The following UBE2Z variants were observed in gnomAD, a reference collection of about 807,000 sequenced individuals.
UBE2Z encodes ubiquitin-conjugating enzyme E2 Z.
UBE2Z carries 10 observed loss-of-function variants against 32.6 expected under a neutral mutation model. That is an observed-to-expected ratio of 0.31 (90% CI 0.19 to 0.52). The LOEUF (loss-of-function observed/expected upper bound fraction) is 0.52. Among genes scored for constraint, UBE2Z ranks in the 20% least tolerant of loss-of-function variants. The pLI, the probability that UBE2Z is intolerant of heterozygous loss-of-function variation, is 0.97. For missense variants in UBE2Z, 343 were observed against 480.9 expected (o/e 0.71, Z 2.68); for synonymous variants, 183 against 190.8 (o/e 0.96, Z 0.34).
rs149314793 is a variant in UBE2Z, at chr17:48,925,069, G to C, written c.895-1895G>C. Among the ~76,000 whole-genome samples the C allele has an allele frequency of 6.2e-3, 946 of 151,810 alleles. 39 individuals carry two copies. Among genetic ancestry groups the C allele is most frequent in the Admixed American group, 0.049 (742 of 15,228 alleles). On this transcript the variant is annotated intron_variant, in intron 6 of 6. Transcript: ENST00000360943. ...AGGCCGAGGCAGACAGATCACTTGA[G>C]ATCAGGAGTTTGAGACCAGCCTGGC...
At chr17:48,911,183 A>C in intron 2 of UBE2Z, 1 of 352,324 alleles carries the variant, frequency 2.8e-6, no homozygotes, top group Non-Finnish European at 5.4e-6. Context: ...CTGTTTGGAT[A>C]ATAAATTATA....
intron 1 of UBE2Z, 65 bp downstream of exon 1, chr17:48,908,885 C>T (rs2040650510): frequency 1.8e-6 from 2 of 1,104,570 alleles, no homozygotes; most frequent in Non-Finnish European, 1.1e-6. Flanking sequence ...GCCCCCCACC[C>T]TCTCCCACTA....
chr17:48,921,845 A>G (rs1474469043), intron 5 of UBE2Z, among the ~76,000 whole-genome samples: 1 of 152,098 alleles, frequency 6.6e-6, no homozygotes, highest in African/African-American at 2.4e-5. Flanking sequence ...CCTGGGCAAC[A>G]CAGGGAGACC....
In UBE2Z at chr17:48,928,807, G is replaced by C. The variant is rs576160999; in HGVS notation, c.*1673G>C. The stretch of plus-strand genomic sequence containing the variant: ...CTCCAGGGCTTAGAAGAATGCTCTT[G>C]GTCTGTGGGTCCAGTGTTGTCTGTC... On this transcript the variant is annotated 3_prime_UTR_variant, in exon 7 of 7. Transcript: ENST00000360943. The C allele has an allele frequency of 5.9e-5, 9 of 152,758 alleles. No individual in the cohort carries two copies. The highest frequency in any genetic ancestry group is 1.3e-4 in the Admixed American group (2 of 15,300). 9.5% of individuals were successfully genotyped at this position (152,758 alleles called of 1,614,324 possible). A position where few individuals can be genotyped will look rare whatever the true frequency, so the allele number is the denominator to read the frequency against.
At position 48,927,272 on chromosome 17, in the gene UBE2Z, C is replaced by T; in HGVS notation, c.*138C>T. On this transcript the variant is annotated 3_prime_UTR_variant, in exon 7 of 7. Transcript: ENST00000360943. The stretch of plus-strand genomic sequence containing the variant: ...CAAGATGGCAAGAACCAAGCAAGCT[C>T]CGATCCCAGGGTGTGGGAGTGGGGG... The T allele has an allele frequency of 2.1e-6, 2 of 948,190 alleles. 1 individual carries two copies. Among genetic ancestry groups the T allele is most frequent in the South Asian group, 3.3e-5 (2 of 60,604 alleles). The allele number at this position is 948,190 out of a possible 1,614,324, so 58.7% of individuals were successfully genotyped here. A position where few individuals can be genotyped will look rare whatever the true frequency, so the allele number is the denominator to read the frequency against.
intron 5 of UBE2Z, 77 bp from the exon 6 acceptor site, chr17:48,922,766 GAAAA>G (rs375466237): frequency 2.3e-6 from 2 of 877,402 alleles, no homozygotes; most frequent in Non-Finnish European, 3.3e-6. Context: ...GACTCCATCT[GAAAA>G]AAAAAAAAGG....
chr17:48,914,703 T>C (rs1387278043), intron 3 of UBE2Z, among the ~76,000 whole-genome samples: 1 of 152,124 alleles, frequency 6.6e-6, no homozygotes, highest in Non-Finnish European at 1.5e-5. Context: ...TGCCCTGAAA[T>C]TGAAAATTTG....
chr17:48,915,812 A>G (rs2040714602), intron 3 of UBE2Z: 2 of 382,474 alleles, frequency 5.2e-6, no homozygotes, highest in South Asian at 4.1e-5. Flanking sequence ...AACTGTTTCT[A>G]GTACAAAGAA....
At chr17:48,921,043 G>A (rs1221660371) in intron 4 of UBE2Z, 117 bp from the exon 5 acceptor site, 4 of 759,306 alleles carry the variant, frequency 5.3e-6, no homozygotes, top group Middle Eastern at 2.4e-4. Flanking sequence ...CAGTGGGAAA[G>A]GTATCTTTTT....
chr17:48,908,693 C>T lies in UBE2Z; in HGVS notation c.190C>T (p.Pro64Ser). The T allele has an allele frequency of 7.8e-7, 1 of 1,281,330 alleles. No homozygotes were observed. Among genetic ancestry groups the T allele is most frequent in the Non-Finnish European group, 9.8e-7 (1 of 1,015,342 alleles). 79.4% of individuals were successfully genotyped at this position (1,281,330 alleles called of 1,614,324 possible). A position where few individuals can be genotyped will look rare whatever the true frequency, so the allele number is the denominator to read the frequency against. ...CGGGGGCCCGGGGAGCGGCCTGGCTCCGCTGCCCGGGCTCCCGCCCTCAGC... is the reference window on the plus strand; with the variant it reads ...CGGGGGCCCGGGGAGCGGCCTGGCTTCGCTGCCCGGGCTCCCGCCCTCAGC... The part of the protein sequence containing the change: ...GAGGPGSGLA[P>S]LPGLPPSAAA... Residue 64 changes from proline (P) to serine (S), a missense_variant, in exon 1 of 7, where the codon CCG (proline) becomes TCG (serine). By Grantham distance (74) the Pro-to-Ser change is moderately conservative. Transcript: ENST00000360943.
intron 4 of UBE2Z, 86 bp from the exon 5 acceptor site, chr17:48,921,074 A>T (rs2040754851): frequency 9.5e-7 from 1 of 1,056,638 alleles, no homozygotes; most frequent in East Asian, 2.6e-5. Flanking sequence ...ACTGGCTGAC[A>T]TACCCCATAC....
At chr17:48,909,063 C>T (rs2143754030) in intron 1 of UBE2Z, 1 of 233,886 alleles carries the variant, frequency 4.3e-6, no homozygotes, top group Non-Finnish European at 8.5e-6. Flanking sequence ...CCTCGACAAC[C>T]TCCCGTGAGC....
chr17:48,908,889 C>G lies in UBE2Z; in HGVS notation c.317+69C>G, dbSNP rs1447962683. The G allele has an allele frequency of 6.5e-6, 7 of 1,070,274 alleles. No homozygotes were observed. In the African/African-American group the frequency reaches 1.2e-4, roughly 18 times the overall value. The allele number at this position is 1,070,274 out of a possible 1,614,324, so 66.3% of individuals were successfully genotyped here. A position where few individuals can be genotyped will look rare whatever the true frequency, so the allele number is the denominator to read the frequency against. ...CGACCTTCCCCGCCCCCCACCCTCT[C>G]CCACTACAACTCACCCCCCACCCAC... is the stretch of plus-strand genomic sequence containing the variant. On this transcript the variant is annotated intron_variant, in intron 1 of 6. Transcript: ENST00000360943.
chr17:48,912,315 T>G (rs942173020), intron 2 of UBE2Z: 1 of 154,612 alleles, frequency 6.5e-6, no homozygotes, highest in Non-Finnish European at 1.4e-5. Context: ...ATACTTTCCC[T>G]TCGTGCCACA....
chr17:48,925,199 T>C (rs983131325), intron 6 of UBE2Z, among the ~76,000 whole-genome samples: 2 of 151,438 alleles, frequency 1.3e-5, no homozygotes, highest in Non-Finnish European at 2.9e-5. Context: ...ACAAGAATTT[T>C]GCTTGAACCT....
At chr17:48,919,531 C>T (rs976861744) in intron 4 of UBE2Z, among the ~76,000 whole-genome samples, 2 of 152,244 alleles carry the variant, frequency 1.3e-5, no homozygotes, top group Non-Finnish European at 2.9e-5. Context: ...GGCTGGAGTA[C>T]AGTGGCACAG....
In UBE2Z at chr17:48,921,225, A is replaced by T. The variant is rs779112343; in HGVS notation, c.756A>T (p.Ala252=). Residue 252 remains alanine (A), a synonymous_variant, in exon 5 of 7, where the codon GCA becomes GCT. Coordinates refer to ENST00000360943, the MANE Select transcript of UBE2Z (RefSeq NM_023079.5). ...ECIRHETIRV[A]VCDMMEGKCP... ...TCCGGCACGAGACCATCAGAGTTGC[A>T]GTCTGTGACATGATGGAAGGAAAGT... is the stretch of plus-strand genomic sequence containing the variant. 6.2e-7 allele frequency: 1 copy of T among 1,612,968 alleles called. No homozygotes were observed. The highest frequency in any genetic ancestry group is 1.1e-5 in the South Asian group (1 of 90,706).
chr17:48,915,207 C>G (rs2040710373), intron 3 of UBE2Z, among the ~76,000 whole-genome samples: 1 of 151,950 alleles, frequency 6.6e-6, no homozygotes, highest in African/African-American at 2.4e-5. Flanking sequence ...CCTGGGGGAG[C>G]AAAGCTGAAA....
intron 4 of UBE2Z, 73 bp downstream of exon 4, chr17:48,916,260 T>TTTTTTTTG (rs1187207410): frequency 1.7e-4 from 98 of 575,904 alleles, no homozygotes; most frequent in Admixed American, 1.3e-3. Flanking sequence ...GTTTTTTTGT[T>TTTTTTTTG]TTTTTTTTTT....
Sources: allele counts gnomAD v4.1 joint callset (sites outside exome capture counted in the v4.1 genomes callset), GRCh38; gene constraint gnomAD v4.1.1; transcripts MANE v1.5; gene names NCBI Gene and HGNC (gene_info 2026-07-23, HGNC 2026-07-21).